The following HIBADH variants were observed in gnomAD, a reference collection of about 807,000 sequenced individuals.
HIBADH encodes 3-hydroxyisobutyrate dehydrogenase, also known as 3-hydroxyisobutyrate dehydrogenase, mitochondrial.
Under a neutral mutation model 36.1 loss-of-function variants are expected in HIBADH, and 25 were observed. The observed-to-expected ratio is 0.69, with a 90% CI of 0.50 to 0.97. The LOEUF is 0.97. Ranked by LOEUF, HIBADH falls within the 50% of genes least tolerant of loss-of-function variation. HIBADH has a pLI of 0.00. For synonymous variants in HIBADH, 160 were observed against 149.5 expected, an observed-to-expected ratio of 1.07 and a Z score of -0.51; for missense variants, 421 against 418.0, an observed-to-expected ratio of 1.01 and a Z score of -0.06.
At chr7:27,574,584 AT>A (rs1296808587) in intron 4 of HIBADH, among the ~76,000 whole-genome samples, 1 of 152,218 alleles carries the variant, frequency 6.6e-6, no homozygotes, top group African/African-American at 2.4e-5. Flanking sequence ...AGGTTCAGAC[AT>A]GCAAAACTTT....
chr7:27,556,191 G>C (rs1784386267), intron 4 of HIBADH, among the ~76,000 whole-genome samples: 1 of 152,164 alleles, frequency 6.6e-6, no homozygotes, highest in African/African-American at 2.4e-5. Flanking sequence ...AGCAATGCTT[G>C]ATACACGATA....
chr7:27,555,743 G>A (rs991768475), intron 4 of HIBADH, among the ~76,000 whole-genome samples: 3 of 151,936 alleles, frequency 2.0e-5, no homozygotes, highest in African/African-American at 4.8e-5. Context: ...AGAAGTTCAG[G>A]CATATAAAAA....
At chr7:27,615,371 C>T (rs926592454) in intron 4 of HIBADH, among the ~76,000 whole-genome samples, 24 of 152,206 alleles carry the variant, frequency 1.6e-4, no homozygotes, top group African/African-American at 4.8e-4. Flanking sequence ...CTTTGAACCT[C>T]GATTTTTCCA....
intron 6 of HIBADH, among the ~76,000 whole-genome samples, chr7:27,534,510 T>A (rs1784045897): frequency 6.6e-6 from 1 of 152,114 alleles, no homozygotes; most frequent in Non-Finnish European, 1.5e-5. Flanking sequence ...CTGGATAACT[T>A]TTACCTTTGG....
At chr7:27,567,939 C>T (rs1411425285) in intron 4 of HIBADH, among the ~76,000 whole-genome samples, 1 of 152,134 alleles carries the variant, frequency 6.6e-6, no homozygotes, top group Non-Finnish European at 1.5e-5. Flanking sequence ...GGGGCTACAT[C>T]TAGATAAACC....
intron 4 of HIBADH, among the ~76,000 whole-genome samples, chr7:27,569,689 C>T (rs553617946): frequency 6.6e-6 from 1 of 152,164 alleles, no homozygotes; most frequent in South Asian, 2.1e-4. Flanking sequence ...CACTGCCACC[C>T]GGTCCTCTGA....
intron 4 of HIBADH, among the ~76,000 whole-genome samples, chr7:27,593,212 A>G (rs1296876359): frequency 1.3e-5 from 2 of 152,214 alleles, no homozygotes; most frequent in East Asian, 1.9e-4. Context: ...TCTGAGCATC[A>G]TGTCAGCCCT....
intron 6 of HIBADH, 81 bp downstream of exon 6, chr7:27,538,260 G>A: frequency 9.4e-7 from 1 of 1,061,278 alleles, no homozygotes; most frequent in Non-Finnish European, 1.4e-6. Flanking sequence ...TATCTCTCAT[G>A]AATATCATTT....
intron 4 of HIBADH, among the ~76,000 whole-genome samples, chr7:27,626,027 TG>T (rs1785635304): frequency 7.4e-6 from 1 of 135,416 alleles, no homozygotes; most frequent in Non-Finnish European, 1.5e-5. Flanking sequence ...TGCTTGACCC[TG>T]GGAGGCAGAG....
chr7:27,572,104 A>G (rs1784637377), intron 4 of HIBADH, among the ~76,000 whole-genome samples: 1 of 152,004 alleles, frequency 6.6e-6, no homozygotes, highest in Non-Finnish European at 1.5e-5. Context: ...GGTTTCCATT[A>G]CCCCATGATT....
intron 4 of HIBADH, among the ~76,000 whole-genome samples, chr7:27,626,786 T>C (rs1237125079): frequency 6.6e-6 from 1 of 152,216 alleles, no homozygotes; most frequent in Non-Finnish European, 1.5e-5. Context: ...ACTCTATTTG[T>C]ACGTACCTAT....
intron 5 of HIBADH, among the ~76,000 whole-genome samples, chr7:27,538,900 C>T (rs1784107383): frequency 6.6e-6 from 1 of 151,942 alleles, no homozygotes; most frequent in Non-Finnish European, 1.5e-5. Context: ...AGGATTTAAA[C>T]AGACAAGAAA....
intron 4 of HIBADH, among the ~76,000 whole-genome samples, chr7:27,553,989 T>A (rs1784356645): frequency 6.6e-6 from 1 of 151,774 alleles, no homozygotes; most frequent in Non-Finnish European, 1.5e-5. Context: ...GCTGGGTTTG[T>A]ATGTTTGTTT....
chr7:27,569,124 T>C (rs979013180), intron 4 of HIBADH, among the ~76,000 whole-genome samples: 1 of 152,208 alleles, frequency 6.6e-6, no homozygotes, highest in African/African-American at 2.4e-5. Flanking sequence ...AGCACTCTGC[T>C]TTTGAACATA....
At chr7:27,656,790 T>C (rs1786315844) in intron 1 of HIBADH, among the ~76,000 whole-genome samples, 1 of 152,220 alleles carries the variant, frequency 6.6e-6, no homozygotes, top group Non-Finnish European at 1.5e-5. Context: ...ATTTAATATA[T>C]GCTATGTGAA....
rs184795856 is a variant in HIBADH at position 27,621,640 on chromosome 7, A to C, written c.484+7731T>G. On this transcript the variant is annotated intron_variant, in intron 4 of 7. Transcript: ENST00000265395. ...AACCCCGTCTTTACTAAAAATACAA[A>C]AATGAGCCAGGTGTGGCAGCACAAG... Among the ~76,000 whole-genome samples the C allele has an allele frequency of 4.1e-3, 619 of 152,186 alleles. 4 individuals carry two copies. The highest frequency in any genetic ancestry group is 6.4e-3 in the Non-Finnish European group (432 of 68,002).
chr7:27,650,944 G>A (rs946167538), intron 1 of HIBADH, among the ~76,000 whole-genome samples: 3 of 152,108 alleles, frequency 2.0e-5, no homozygotes, highest in South Asian at 2.1e-4. Flanking sequence ...ACAGAGCTCA[G>A]AGACAGACAC....
chr7:27,605,586 CAAAAAAAAAAAAAAAAAA>C (rs70994666), intron 4 of HIBADH, among the ~76,000 whole-genome samples: 1 of 33,590 alleles, frequency 3.0e-5, no homozygotes, highest in Non-Finnish European at 5.0e-5. Context: ...TTTAGACAAG[CAAAAAAAAAAAAAAAAAA>C]AAAAAAAAAA....
intron 4 of HIBADH, among the ~76,000 whole-genome samples, chr7:27,608,001 A>T (rs1362970058): frequency 6.6e-6 from 1 of 152,212 alleles, no homozygotes; most frequent in Admixed American, 6.5e-5. Flanking sequence ...AGGGGAAATG[A>T]AATGTAATTA....
Sources: gnomAD v4.1 joint callset for allele counts (sites outside exome capture counted in the v4.1 genomes callset) on GRCh38, gnomAD v4.1.1 for gene constraint, MANE v1.5 for transcripts, NCBI Gene and HGNC (gene_info 2026-07-23, HGNC 2026-07-21) for gene names.